Variants in OPHN1 observed in about 807,000 individuals in gnomAD.
OPHN1 encodes oligophrenin-1.
Under a neutral mutation model 60.7 loss-of-function variants are expected in OPHN1, and 11 were observed. The ratio of observed to expected loss-of-function variants is 0.18; its 90% CI spans 0.11 to 0.30. The LOEUF (loss-of-function observed/expected upper bound fraction) is 0.30, where lower values mean the gene tolerates loss of function less well. Ranked by LOEUF, OPHN1 falls within the 10% of genes least tolerant of loss-of-function variation. The pLI, the probability that OPHN1 is intolerant of heterozygous loss-of-function variation, is 1.00. For missense variants in OPHN1, 449 were observed against 611.0 expected, an observed-to-expected ratio of 0.73 and a Z score of 2.80; for synonymous variants, 226 against 222.6, an observed-to-expected ratio of 1.02 and a Z score of -0.14.
chrX:68,389,852 T>C (rs1274977945), intron 2 of OPHN1, among the ~76,000 whole-genome samples: 1 of 110,765 alleles, frequency 9.0e-6, no homozygotes, highest in African/African-American at 3.3e-5. Flanking sequence ...AAGGATTAAA[T>C]TGAGATAATG....
Position 68,111,317 on chromosome X carries a change from C to T in OPHN1, c.1526+537G>A, listed in dbSNP as rs1602163453. ...GCACCACTGTGGGACACAAGTGCCC[C>T]TTTCACCTGCCTATCTCAGTGCCTG... On this transcript the variant is annotated intron_variant, in intron 18 of 24. Coordinates refer to ENST00000355520, the MANE Select transcript of OPHN1 (RefSeq NM_002547.3). 3.6e-5 allele frequency among the ~76,000 whole-genome samples: 4 copies of T among 112,326 alleles called. No homozygotes were observed. In the South Asian group the frequency reaches 1.1e-3, roughly 31 times the overall value.
chrX:68,382,385 T>C (rs1305512158), intron 2 of OPHN1, among the ~76,000 whole-genome samples: 1 of 111,109 alleles, frequency 9.0e-6, no homozygotes, highest in Admixed American at 9.7e-5. Flanking sequence ...TAAAATGCTA[T>C]GGCACCAGAT....
chrX:68,202,839 T>C (rs549201437), intron 10 of OPHN1, among the ~76,000 whole-genome samples: 4 of 111,580 alleles, frequency 3.6e-5, no homozygotes, highest in African/African-American at 1.3e-4. Flanking sequence ...ACAACCATTA[T>C]AGAGAAGTGA....
chrX:68,399,643 G>A (rs1443900740), intron 2 of OPHN1, among the ~76,000 whole-genome samples: 2 of 106,866 alleles, frequency 1.9e-5, no homozygotes, highest in East Asian at 3.0e-4. Context: ...ACCCCAGCCT[G>A]GGCGACAAAG....
chrX:68,178,557 C>G (rs1170440239), intron 15 of OPHN1, among the ~76,000 whole-genome samples: 4 of 110,757 alleles, frequency 3.6e-5, no homozygotes, highest in African/African-American at 1.3e-4. Flanking sequence ...GTGCGCACCA[C>G]CACATCCAGT....
At chrX:68,366,674 A>AT (rs2078500528) in intron 2 of OPHN1, among the ~76,000 whole-genome samples, 1 of 111,376 alleles carries the variant, frequency 9.0e-6, no homozygotes. Flanking sequence ...ACATTTTAAC[A>AT]TTTTTGAAAT....
At chrX:68,400,586 CT>C (rs1185766981) in intron 2 of OPHN1, among the ~76,000 whole-genome samples, 2 of 106,776 alleles carry the variant, frequency 1.9e-5, no homozygotes, top group Admixed American at 1.0e-4. Flanking sequence ...TTTCTTCTCT[CT>C]TTTTTTTCTT....
At chrX:68,059,910 A>C (rs1367771781) in intron 21 of OPHN1, among the ~76,000 whole-genome samples, 1 of 111,881 alleles carries the variant, frequency 8.9e-6, no homozygotes, top group Non-Finnish European at 1.9e-5. Flanking sequence ...TCTCACCCCT[A>C]CTAGAACATT....
chrX:68,122,809 A>G (rs541286624), intron 15 of OPHN1, among the ~76,000 whole-genome samples: 3 of 110,857 alleles, frequency 2.7e-5, no homozygotes, highest in African/African-American at 9.8e-5. Context: ...AGGAGACAAA[A>G]GAGAAAAGAA....
At chrX:68,421,217 C>T (rs992946363) in intron 2 of OPHN1, among the ~76,000 whole-genome samples, 1 of 111,454 alleles carries the variant, frequency 9.0e-6, no homozygotes, top group African/African-American at 3.3e-5. Context: ...CATTGTTATC[C>T]AATCCCTGGC....
intron 2 of OPHN1, among the ~76,000 whole-genome samples, chrX:68,317,394 A>AG (rs2078208311): frequency 1.1e-5 from 1 of 91,158 alleles, no homozygotes; most frequent in African/African-American, 4.3e-5. Flanking sequence ...GAAGGAAGGA[A>AG]GGAAGGAAGG....
At chrX:68,279,536 C>T (rs1026115873) in intron 4 of OPHN1, among the ~76,000 whole-genome samples, 1 of 110,942 alleles carries the variant, frequency 9.0e-6, no homozygotes, top group African/African-American at 3.3e-5. Context: ...TGCTTGAGTG[C>T]TGTGAACTTT....
intron 2 of OPHN1, among the ~76,000 whole-genome samples, chrX:68,333,560 G>A (rs922858510): frequency 1.8e-5 from 2 of 110,777 alleles, no homozygotes; most frequent in Non-Finnish European, 3.8e-5. Flanking sequence ...ACTTGAACCC[G>A]GGAGGCGGAG....
At chrX:68,311,503 G>C (rs1400315746) in intron 2 of OPHN1, among the ~76,000 whole-genome samples, 1 of 111,392 alleles carries the variant, frequency 9.0e-6, no homozygotes, top group African/African-American at 3.3e-5. Flanking sequence ...TGCAATCTGG[G>C]CTCACTGCAA....
At chrX:68,405,332 C>T (rs1007224710) in intron 2 of OPHN1, among the ~76,000 whole-genome samples, 4 of 111,109 alleles carry the variant, frequency 3.6e-5, no homozygotes, top group Non-Finnish European at 5.7e-5. Context: ...GCCTCCCATA[C>T]GAGCACATGA....
intron 2 of OPHN1, among the ~76,000 whole-genome samples, chrX:68,304,017 A>G (rs1168679597): frequency 1.8e-5 from 2 of 111,802 alleles, no homozygotes; most frequent in East Asian, 5.6e-4. Context: ...ATTGCAATGC[A>G]GTGTGACTAT....
intron 11 of OPHN1, among the ~76,000 whole-genome samples, chrX:68,198,788 G>C (rs59010728): frequency 0.11 from 12,338 of 111,214 alleles, 1,715 homozygotes; most frequent in African/African-American, 0.39. Context: ...TGGAACACAG[G>C]AGCTGGGAGG....
At chrX:68,214,916 G>C (rs1569245251) in intron 6 of OPHN1, among the ~76,000 whole-genome samples, 1 of 111,669 alleles carries the variant, frequency 9.0e-6, no homozygotes, top group East Asian at 2.8e-4. Flanking sequence ...AGGCTCACTT[G>C]AACCTGGGAG....
At chrX:68,059,149 T>C (rs1220219750) in intron 21 of OPHN1, among the ~76,000 whole-genome samples, 1 of 111,658 alleles carries the variant, frequency 9.0e-6, no homozygotes, top group Non-Finnish European at 1.9e-5. Flanking sequence ...TCTTTTTAAT[T>C]TCTTTTCAAC....
Sources: allele counts gnomAD v4.1 joint callset (sites outside exome capture counted in the v4.1 genomes callset), GRCh38; gene constraint gnomAD v4.1.1; transcripts MANE v1.5; gene names NCBI Gene and HGNC (gene_info 2026-07-23, HGNC 2026-07-21).